KLHL1: variants seen among roughly 807,000 people sequenced by gnomAD.
KLHL1 encodes kelch-like protein 1.
A neutral mutation model predicts 77.7 loss-of-function variants in KLHL1; 47 were observed. That is an observed-to-expected ratio of 0.60 (90% CI 0.48 to 0.77). The LOEUF is 0.77. KLHL1 is among the 30% of genes least tolerant of loss of function. The probability of loss-of-function intolerance (pLI) is 0.00; values close to 1 mark genes in which losing one functional copy is unlikely to be tolerated. For synonymous variants in KLHL1, 360 were observed against 325.2 expected (o/e 1.11, Z -1.15); for missense variants, 925 against 910.8 (o/e 1.02, Z -0.20).
intron 6 of KLHL1, among the ~76,000 whole-genome samples, chr13:69,823,790 T>C (rs1025605816): frequency 1.3e-5 from 2 of 152,066 alleles, no homozygotes; most frequent in South Asian, 2.1e-4. Context: ...GAAACTGAGC[T>C]TGGTATCTCT....
chr13:70,022,304 T>TGTGTGTGTGC (rs71116978), intron 1 of KLHL1, among the ~76,000 whole-genome samples: 1 of 91,516 alleles, frequency 1.1e-5, no homozygotes, highest in Non-Finnish European at 2.3e-5. Flanking sequence ...TGTGTGTGTG[T>TGTGTGTGTGC]ATGTGTTTGG....
intron 4 of KLHL1, among the ~76,000 whole-genome samples, chr13:69,937,471 G>T (rs918702514): frequency 6.6e-6 from 1 of 151,768 alleles, no homozygotes; most frequent in Non-Finnish European, 1.5e-5. Flanking sequence ...ATCTGTTTCC[G>T]TTTGCCACTC....
At position 69,961,450 on chromosome 13, in the gene KLHL1, A is replaced by G; in HGVS notation, c.681-6T>C. On this transcript the variant is annotated splice_region_variant and splice_polypyrimidine_tract_variant and intron_variant, in intron 2 of 10. Transcript: ENST00000377844. ...AGACTGAACTCAGAACAAGCCTGAAAGAGTCACAGGTTCTAATTTAGGTCG... is the reference window on the plus strand; with the variant it reads ...AGACTGAACTCAGAACAAGCCTGAAGGAGTCACAGGTTCTAATTTAGGTCG... 1.9e-6 allele frequency: 3 copies of G among 1,612,554 alleles called. No individual in the cohort carries two copies. The highest frequency in any genetic ancestry group is 1.7e-6 in the Non-Finnish European group (2 of 1,179,124).
At chr13:69,798,447 C>A (rs1296386204) in intron 6 of KLHL1, among the ~76,000 whole-genome samples, 3 of 152,066 alleles carry the variant, frequency 2.0e-5, no homozygotes, top group Non-Finnish European at 4.4e-5. Flanking sequence ...TATGTCAAAT[C>A]TGCTTTCTGA....
chr13:69,768,666 A>T (rs181866061), intron 7 of KLHL1, among the ~76,000 whole-genome samples: 1 of 152,158 alleles, frequency 6.6e-6, no homozygotes, highest in African/African-American at 2.4e-5. Context: ...TCTCTTATAC[A>T]TTGATGTTGA....
chr13:70,025,838 T>C (rs969326150), intron 1 of KLHL1, among the ~76,000 whole-genome samples: 1 of 152,088 alleles, frequency 6.6e-6, no homozygotes, highest in African/African-American at 2.4e-5. Flanking sequence ...CCTCTGATCA[T>C]CTTTATGCCT....
At chr13:69,798,865 T>C (rs1877248076) in intron 6 of KLHL1, among the ~76,000 whole-genome samples, 1 of 152,020 alleles carries the variant, frequency 6.6e-6, no homozygotes, top group Non-Finnish European at 1.5e-5. Flanking sequence ...GTCAGGAGAC[T>C]GAGACCAGCC....
At chr13:69,986,080 G>A (rs1035520678) in intron 1 of KLHL1, among the ~76,000 whole-genome samples, 1 of 151,456 alleles carries the variant, frequency 6.6e-6, no homozygotes, top group African/African-American at 2.4e-5. Flanking sequence ...ACCAAGTACT[G>A]AAGGACCAAT....
Position 69,916,770 on chromosome 13 carries a change from C to A in KLHL1, c.1014+23270G>T, listed in dbSNP as rs571768089. The stretch of plus-strand genomic sequence containing the variant: ...ATAATAAAATAAAGTGAAAAAAAAA[C>A]CACATAGTAAATGGCTATATTTACG... On this transcript the variant is annotated intron_variant, in intron 4 of 10. Transcript: ENST00000377844. Among the ~76,000 whole-genome samples the A allele has an allele frequency of 7.5e-3, 1,136 of 150,638 alleles. 12 individuals are homozygous for A. The highest frequency in any genetic ancestry group is 0.026 in the African/African-American group (1,066 of 41,068).
At chr13:69,836,239 C>G (rs1471385111) in intron 6 of KLHL1, among the ~76,000 whole-genome samples, 1 of 152,024 alleles carries the variant, frequency 6.6e-6, no homozygotes, top group Non-Finnish European at 1.5e-5. Context: ...CAAATTGCAG[C>G]TCAGGGCAAT....
At position 69,754,421 on chromosome 13, in the gene KLHL1, G is replaced by A. The variant is rs571551006; in HGVS notation, c.1640-13865C>T. 3.0e-4 allele frequency among the ~76,000 whole-genome samples: 46 copies of A among 151,994 alleles called. 2 individuals carry two copies. The South Asian group carries it at 9.1e-3, about 30-fold the overall frequency. On this transcript the variant is annotated intron_variant, in intron 7 of 10. Coordinates refer to ENST00000377844, the MANE Select transcript of KLHL1 (RefSeq NM_020866.3). ...ATCCTTTTTGTATATACAAATATCC[G>A]AACTTACCATAACACCTACCAAACA...
At chr13:69,841,064 A>G (rs946681610) in intron 5 of KLHL1, among the ~76,000 whole-genome samples, 2 of 151,962 alleles carry the variant, frequency 1.3e-5, no homozygotes, top group Admixed American at 6.6e-5. Flanking sequence ...AGTTGATCAT[A>G]AAGATACTAT....
At chr13:69,934,708 G>A (rs1322288080) in intron 4 of KLHL1, among the ~76,000 whole-genome samples, 9 of 151,284 alleles carry the variant, frequency 5.9e-5, no homozygotes, top group Admixed American at 5.3e-4. Context: ...CTCTCTTCTT[G>A]TCCCTCTCCA....
chr13:69,951,300 T>C (rs1276136051), intron 3 of KLHL1, among the ~76,000 whole-genome samples: 1 of 151,636 alleles, frequency 6.6e-6, no homozygotes, highest in South Asian at 2.1e-4. Flanking sequence ...ACTTGGCTTA[T>C]GCAAGTGGCT....
intron 7 of KLHL1, among the ~76,000 whole-genome samples, chr13:69,767,882 C>T (rs1875382706): frequency 2.0e-5 from 3 of 152,086 alleles, no homozygotes. Flanking sequence ...TTCCACTGTC[C>T]AGAAAATACT....
At chr13:70,078,035 G>A (rs1486527280) in intron 1 of KLHL1, among the ~76,000 whole-genome samples, 1 of 151,772 alleles carries the variant, frequency 6.6e-6, no homozygotes, top group Non-Finnish European at 1.5e-5. Flanking sequence ...TTCTCTACAG[G>A]TGCCTCTCTA....
At chr13:70,094,445 A>C (rs951421020) in intron 1 of KLHL1, among the ~76,000 whole-genome samples, 1 of 149,000 alleles carries the variant, frequency 6.7e-6, no homozygotes, top group African/African-American at 2.6e-5. Context: ...GACTGGATTG[A>C]ATTTTGAAAA....
chr13:69,737,571 G>A (rs190829385), intron 8 of KLHL1, among the ~76,000 whole-genome samples: 22 of 152,318 alleles, frequency 1.4e-4, no homozygotes, highest in East Asian at 9.7e-4. Context: ...AAGACTGGGC[G>A]GTCTGGACTG....
chr13:69,983,091 A>G (rs536847989), intron 1 of KLHL1, among the ~76,000 whole-genome samples: 16 of 152,294 alleles, frequency 1.1e-4, no homozygotes, highest in African/African-American at 3.4e-4. Flanking sequence ...AAATCAATAA[A>G]GCAATCCCAT....
Sources: gnomAD v4.1 joint callset for allele counts (sites outside exome capture counted in the v4.1 genomes callset) on GRCh38, gnomAD v4.1.1 for gene constraint, MANE v1.5 for transcripts, NCBI Gene and HGNC (gene_info 2026-07-23, HGNC 2026-07-21) for gene names.